The following TULP4 variants were observed in gnomAD, a reference collection of about 807,000 sequenced individuals.
TULP4 encodes tubby-related protein 4.
TULP4 carries 16 observed loss-of-function variants against 129.0 expected under a neutral mutation model. That is an observed-to-expected ratio of 0.12 (90% CI 0.08 to 0.19). The LOEUF is 0.19. Ranked by LOEUF, TULP4 falls within the 10% of genes least tolerant of loss-of-function variation. The pLI is 1.00. For synonymous variants in TULP4, 998 were observed against 854.0 expected, an observed-to-expected ratio of 1.17 and a Z score of -2.94; for missense variants, 1,842 against 2,059.1, an observed-to-expected ratio of 0.89 and a Z score of 2.04.
upstream of TULP4, chr6:158,312,130 G>A (rs754091692): frequency 7.5e-6 from 3 of 397,974 alleles, no homozygotes; most frequent in Non-Finnish European, 1.3e-5. Flanking sequence ...CGCTTCGTAT[G>A]GCAGTTGAAG....
chr6:158,473,426 G>C (rs150325448), intron 6 of TULP4, among the ~76,000 whole-genome samples: 1 of 152,320 alleles, frequency 6.6e-6, no homozygotes, highest in Non-Finnish European at 1.5e-5. Flanking sequence ...CTACAATTTA[G>C]TTGGTGGCCA....
intron 1 of TULP4, among the ~76,000 whole-genome samples, chr6:158,366,212 T>G (rs771226571): frequency 6.6e-6 from 1 of 152,194 alleles, no homozygotes; most frequent in Non-Finnish European, 1.5e-5. Context: ...CGTCAGTCTT[T>G]CTTGAAGTTG....
chr6:158,406,822 C>T (rs539858337), intron 1 of TULP4, among the ~76,000 whole-genome samples: 42 of 152,064 alleles, frequency 2.8e-4, no homozygotes, highest in Non-Finnish European at 3.8e-4. Context: ...TATTTTCTGA[C>T]AAAAAAGTTT....
intron 1 of TULP4, among the ~76,000 whole-genome samples, chr6:158,252,248 C>G (rs1202745237): frequency 6.6e-6 from 1 of 150,842 alleles, no homozygotes. Context: ...TCTGTGTAGT[C>G]AAACCTATCG....
intron 1 of TULP4, among the ~76,000 whole-genome samples, chr6:158,301,887 T>TA (rs1356477988): frequency 2.0e-5 from 3 of 152,242 alleles, no homozygotes; most frequent in African/African-American, 4.8e-5. Context: ...AGGTCTTAAT[T>TA]AATGTTATCT....
At chr6:158,260,845 A>G (rs1199903700) in intron 1 of TULP4, among the ~76,000 whole-genome samples, 2 of 143,188 alleles carry the variant, frequency 1.4e-5, no homozygotes, top group Non-Finnish European at 3.1e-5. Context: ...TTGAGACAAG[A>G]GTTTCGCTCT....
intron 1 of TULP4, among the ~76,000 whole-genome samples, chr6:158,382,824 T>G (rs1322720341): frequency 6.6e-6 from 1 of 152,260 alleles, no homozygotes; most frequent in Non-Finnish European, 1.5e-5. Flanking sequence ...GATAGTTAAC[T>G]CTGGCATTTA....
chr6:158,333,691 G>A (rs1779966825), intron 1 of TULP4, among the ~76,000 whole-genome samples: 1 of 152,128 alleles, frequency 6.6e-6, no homozygotes, highest in South Asian at 2.1e-4. Flanking sequence ...AAAATTCACA[G>A]ATGAGCTGCA....
At chr6:158,342,719 C>G (rs559985325) in intron 1 of TULP4, among the ~76,000 whole-genome samples, 1 of 152,268 alleles carries the variant, frequency 6.6e-6, no homozygotes, top group East Asian at 1.9e-4. Context: ...GGACTCAGAC[C>G]TTGAATCAGT....
At chr6:158,320,444 T>G (rs1445768569) in intron 1 of TULP4, among the ~76,000 whole-genome samples, 3 of 151,954 alleles carry the variant, frequency 2.0e-5, no homozygotes, top group Non-Finnish European at 4.4e-5. Context: ...TTTTTTTTTT[T>G]TTTTTTACAC....
chr6:158,502,555 T>C lies in TULP4; in HGVS notation c.2892T>C (p.Ile964=). The part of the protein sequence containing the change: ...PTGDPPPYPE[I]ASQLAQGRGA... ...GGGACCCACCCCCGTATCCTGAAATTGCCAGCCAGCTGGCCCAGGGGCGGG... is the reference window on the plus strand; with the variant it reads ...GGGACCCACCCCCGTATCCTGAAATCGCCAGCCAGCTGGCCCAGGGGCGGG... The change falls in exon 13 of 14, where the codon ATT becomes ATC. Residue 964 remains isoleucine (I), a synonymous_variant. Coordinates refer to ENST00000367097, the MANE Select transcript of TULP4 (RefSeq NM_020245.5). The C allele has an allele frequency of 6.2e-7, 1 of 1,607,928 alleles. No homozygotes were observed. The highest frequency in any genetic ancestry group is 8.5e-7 in the Non-Finnish European group (1 of 1,179,904).
At chr6:158,321,628 G>T (rs1382678599) in intron 1 of TULP4, among the ~76,000 whole-genome samples, 2 of 152,026 alleles carry the variant, frequency 1.3e-5, no homozygotes, top group African/African-American at 4.8e-5. Context: ...CTCAACTCAG[G>T]AATCTCCCTG....
At chr6:158,234,384 C>T (rs1226626312) in intron 1 of TULP4, among the ~76,000 whole-genome samples, 1 of 152,180 alleles carries the variant, frequency 6.6e-6, no homozygotes, top group African/African-American at 2.4e-5. Context: ...AATTTCAGCC[C>T]TCTCACTGGA....
chr6:158,417,185 T>G (rs1304351395), intron 2 of TULP4, among the ~76,000 whole-genome samples: 1 of 152,232 alleles, frequency 6.6e-6, no homozygotes, highest in Admixed American at 6.5e-5. Flanking sequence ...CACCAGCACA[T>G]GGATTCTCCT....
chr6:158,386,684 A>G (rs1045751647), intron 1 of TULP4, among the ~76,000 whole-genome samples: 1 of 152,232 alleles, frequency 6.6e-6, no homozygotes, highest in African/African-American at 2.4e-5. Flanking sequence ...CATAGTGTTT[A>G]AGTACAGAGG....
chr6:158,354,476 C>T lies in TULP4; in HGVS notation c.252+40208C>T, dbSNP rs554070126. Among the ~76,000 whole-genome samples the T allele has an allele frequency of 4.5e-4, 69 of 152,210 alleles. 1 individual carries two copies. Among genetic ancestry groups the T allele is most frequent in the Non-Finnish European group, 9.6e-4 (65 of 68,008 alleles). On this transcript the variant is annotated intron_variant, in intron 1 of 13. Transcript: ENST00000367097. Reference sequence around the variant, plus strand: ...AAGAACAAATGCAAACATCTGTCTTCTTGTAGATGTGGAATATTTGTAATA... The same window carrying T: ...AAGAACAAATGCAAACATCTGTCTTTTTGTAGATGTGGAATATTTGTAATA...
intron 1 of TULP4, among the ~76,000 whole-genome samples, chr6:158,352,016 C>T (rs539575979): frequency 1.3e-5 from 2 of 152,118 alleles, no homozygotes; most frequent in East Asian, 3.9e-4. Flanking sequence ...GCTACCACAC[C>T]CAGCCCCATT....
intron 1 of TULP4, among the ~76,000 whole-genome samples, chr6:158,305,126 C>T (rs1207058388): frequency 6.6e-6 from 1 of 152,152 alleles, no homozygotes; most frequent in African/African-American, 2.4e-5. Flanking sequence ...GCCCCTGGCA[C>T]TCACCCTTCT....
chr6:158,243,197 C>T (rs1238460306), intron 1 of TULP4, among the ~76,000 whole-genome samples: 1 of 152,108 alleles, frequency 6.6e-6, no homozygotes, highest in Non-Finnish European at 1.5e-5. Flanking sequence ...TTGAGCAATA[C>T]CTCTCACGTC....
Sources: gnomAD v4.1 joint callset for allele counts (sites outside exome capture counted in the v4.1 genomes callset) on GRCh38, gnomAD v4.1.1 for gene constraint, MANE v1.5 for transcripts, NCBI Gene and HGNC (gene_info 2026-07-23, HGNC 2026-07-21) for gene names.